Variants in TESK2 observed in about 807,000 individuals in gnomAD.
TESK2 encodes the protein testis associated actin remodelling kinase 2, also known as dual specificity testis-specific protein kinase 2.
A neutral mutation model predicts 57.1 loss-of-function variants in TESK2; 39 were observed. That is an observed-to-expected ratio of 0.68 (90% CI 0.53 to 0.89). The LOEUF (loss-of-function observed/expected upper bound fraction) is 0.89, where lower values mean the gene tolerates loss of function less well. Ranked by LOEUF, TESK2 falls within the 40% of genes least tolerant of loss-of-function variation. The probability of loss-of-function intolerance (pLI) is 0.00; values close to 1 mark genes in which losing one functional copy is unlikely to be tolerated. For synonymous variants in TESK2, 249 were observed against 267.9 expected, an observed-to-expected ratio of 0.93 and a Z score of 0.69; for missense variants, 646 against 732.1, an observed-to-expected ratio of 0.88 and a Z score of 1.36.
At chr1:45,424,699 C>G (rs1650616675) in intron 2 of TESK2, among the ~76,000 whole-genome samples, 1 of 152,136 alleles carries the variant, frequency 6.6e-6, no homozygotes, top group South Asian at 2.1e-4. Flanking sequence ...TGGCAAAACC[C>G]ATGAAAAGAT....
intron 1 of TESK2, among the ~76,000 whole-genome samples, chr1:45,466,664 ATAATAT>A (rs1045326617): frequency 2.0e-5 from 3 of 148,542 alleles, no homozygotes; most frequent in African/African-American, 7.4e-5. Flanking sequence ...AATAATAATA[ATAATAT>A]ATATTATATA....
chr1:45,347,005 C>T lies in TESK2; in HGVS notation c.766G>A (p.Asp256Asn), dbSNP rs1212569883. Reference protein sequence around the residue: ...LCEIIARIQADPDYLPRTENF... With the variant: ...LCEIIARIQANPDYLPRTENF... ...TCTGTGCGGGGAAGATAGTCCGGAT[C>T]GGCCTGGATGCGGGCGATGATCTCG... Residue 256 changes from aspartate to asparagine, a missense_variant, in exon 8 of 11, where the codon GAT becomes AAT. Coordinates refer to ENST00000372086, the MANE Select transcript of TESK2 (RefSeq NM_007170.3). The T allele has an allele frequency of 4.3e-6, 7 of 1,614,064 alleles. No homozygotes were observed. Among genetic ancestry groups the T allele is most frequent in the Admixed American group, 3.3e-5 (2 of 59,998 alleles).
Position 45,457,778 on chromosome 1 carries a change from C to T in TESK2, c.8G>A (p.Arg3Gln), listed in dbSNP as rs537670766. 8.7e-6 allele frequency: 14 copies of T among 1,613,628 alleles called. No individual in the cohort carries two copies. The East Asian group carries it at 1.1e-4, about 13-fold the overall frequency. Residue 3 changes from arginine (R) to glutamine (Q), a missense_variant, in exon 2 of 11, where the codon CGG (arginine) becomes CAG (glutamine). Coordinates refer to ENST00000372086, the MANE Select transcript of TESK2 (RefSeq NM_007170.3). ...TCCTGCAATTGAATTCCGTTTGCTC[C>T]GATCCATAGTCTAAATAATCACTTT... MDRSKRNSIAGFP... is the reference protein window; with the variant it reads MDQSKRNSIAGFP...
At chr1:45,471,398 T>C (rs1171504350) in intron 1 of TESK2, among the ~76,000 whole-genome samples, 1 of 151,938 alleles carries the variant, frequency 6.6e-6, no homozygotes, top group African/African-American at 2.4e-5. Flanking sequence ...ATGAATATAA[T>C]AGAGTACAAT....
At chr1:45,425,809 A>T (rs1255429636) in intron 2 of TESK2, among the ~76,000 whole-genome samples, 1 of 152,128 alleles carries the variant, frequency 6.6e-6, no homozygotes, top group South Asian at 2.1e-4. Flanking sequence ...CTTTCTATGG[A>T]ATCACAAAGA....
rs1653169429 is a variant in TESK2, at chr1:45,480,409, G to T, written c.-87+10443C>A. On this transcript the variant is annotated intron_variant, in intron 1 of 10. Transcript: ENST00000372086. The stretch of plus-strand genomic sequence containing the variant: ...GGAGGTGGAGGTTGCAGTGAGCCAA[G>T]ATTGCGCCACTGCACTCCAGTGTGG... Among the ~76,000 whole-genome samples the T allele has an allele frequency of 2.0e-5, 3 of 148,132 alleles. No homozygotes were observed. The Admixed American group carries it at 2.0e-4, about 10-fold the overall frequency.
rs201981155 is a variant in TESK2, at chr1:45,418,981, CT to C, written c.344+2743del. ...CCCCTCCTAGAAGGCTTCCCTGACC[CT>C]TTTTTTTTTTTTTTGAGACAGAGTC... On this transcript the variant is annotated intron_variant, in intron 3 of 10. Transcript: ENST00000372086. Among the ~76,000 whole-genome samples, 799 of 140,966 alleles carry C rather than the reference CT, an allele frequency of 5.7e-3. 6 individuals are homozygous for C. Among genetic ancestry groups the C allele is most frequent in the East Asian group, 0.032 (156 of 4,926 alleles). 92.5% of individuals were successfully genotyped at this position (140,966 alleles called of 152,430 possible). A position where few individuals can be genotyped will look rare whatever the true frequency, so the allele number is the denominator to read the frequency against.
chr1:45,415,596 A>C (rs1650208865), intron 3 of TESK2, among the ~76,000 whole-genome samples: 1 of 152,340 alleles, frequency 6.6e-6, no homozygotes, highest in East Asian at 1.9e-4. Flanking sequence ...CACTGAAAGA[A>C]GCAGCCAGAG....
At chr1:45,452,191 T>C (rs1651901694) in intron 2 of TESK2, among the ~76,000 whole-genome samples, 1 of 152,158 alleles carries the variant, frequency 6.6e-6, no homozygotes, top group Non-Finnish European at 1.5e-5. Flanking sequence ...AATTCTTCAG[T>C]TACTTCCCAT....
intron 2 of TESK2, among the ~76,000 whole-genome samples, chr1:45,441,297 A>C (rs1029991582): frequency 1.2e-4 from 19 of 152,044 alleles, no homozygotes; most frequent in African/African-American, 4.6e-4. Context: ...CAGCATCCTG[A>C]GTAGCTGGGA....
chr1:45,473,397 T>C (rs568654870), intron 1 of TESK2, among the ~76,000 whole-genome samples: 3 of 152,252 alleles, frequency 2.0e-5, no homozygotes, highest in South Asian at 2.1e-4. Context: ...TTGCCATTGA[T>C]AGTAATGACA....
At chr1:45,357,983 A>G (rs1432425021) in intron 4 of TESK2, among the ~76,000 whole-genome samples, 2 of 142,432 alleles carry the variant, frequency 1.4e-5, no homozygotes, top group Non-Finnish European at 3.0e-5. Context: ...CAGCCTGGGC[A>G]AGTGACGGAG....
At chr1:45,446,665 A>G (rs1312249754) in intron 2 of TESK2, among the ~76,000 whole-genome samples, 1 of 152,204 alleles carries the variant, frequency 6.6e-6, no homozygotes, top group African/African-American at 2.4e-5. Flanking sequence ...TAAAATGCAT[A>G]CAAACAGTAG....
chr1:45,471,681 C>T (rs920149203), intron 1 of TESK2, among the ~76,000 whole-genome samples: 7 of 151,964 alleles, frequency 4.6e-5, no homozygotes, highest in African/African-American at 1.7e-4. Context: ...GCTGAGATTA[C>T]AGGCATGAGC....
At chr1:45,357,230 TAA>T (rs1557541448) in intron 4 of TESK2, among the ~76,000 whole-genome samples, 38 of 150,810 alleles carry the variant, frequency 2.5e-4, no homozygotes, top group African/African-American at 5.1e-4. Context: ...AATAAATAAA[TAA>T]ATAAATAAAT....
At chr1:45,436,022 A>G (rs960801920) in intron 2 of TESK2, among the ~76,000 whole-genome samples, 1 of 151,918 alleles carries the variant, frequency 6.6e-6, no homozygotes, top group African/African-American at 2.4e-5. Context: ...TGTTGTGCTC[A>G]GTATAGCCTT....
At chr1:45,482,600 T>TA (rs34879699) in intron 1 of TESK2, among the ~76,000 whole-genome samples, 157 of 137,366 alleles carry the variant, frequency 1.1e-3, no homozygotes, top group Middle Eastern at 3.6e-3. Context: ...GGTCAGCCAT[T>TA]AAAAAAAAAA....
At chr1:45,369,787 C>T (rs1312048315) in intron 4 of TESK2, among the ~76,000 whole-genome samples, 4 of 151,786 alleles carry the variant, frequency 2.6e-5, no homozygotes, top group African/African-American at 9.7e-5. Flanking sequence ...TCTCAGCTCA[C>T]TGCAACCTCC....
chr1:45,401,623 C>T (rs1030394538), intron 3 of TESK2, among the ~76,000 whole-genome samples: 4 of 151,904 alleles, frequency 2.6e-5, no homozygotes, highest in Non-Finnish European at 4.4e-5. Context: ...GATGAAATTA[C>T]CCCCACTTTA....
Sources: gnomAD v4.1 joint callset for allele counts (sites outside exome capture counted in the v4.1 genomes callset) on GRCh38, gnomAD v4.1.1 for gene constraint, MANE v1.5 for transcripts, NCBI Gene and HGNC (gene_info 2026-07-23, HGNC 2026-07-21) for gene names.